DHRSX: variants seen among roughly 807,000 people sequenced by gnomAD.
DHRSX encodes the protein polyprenol dehydrogenase.
In DHRSX, 31 loss-of-function variants were observed where a neutral mutation model predicts 34.0. That is an observed-to-expected ratio of 0.91 (90% CI 0.69 to 1.23). The LOEUF is 1.23. DHRSX is among the 50% of genes most tolerant of loss of function. The pLI is 0.00. For synonymous variants in DHRSX, 201 were observed against 183.8 expected (o/e 1.09, Z -0.76); for missense variants, 414 against 428.1 (o/e 0.97, Z 0.29).
chrX:2,247,860 C>T (rs1182205685), intron 5 of DHRSX, among the ~76,000 whole-genome samples: 2 of 152,016 alleles, frequency 1.3e-5, no homozygotes, highest in Non-Finnish European at 2.9e-5. Context: ...CCCATTTCGC[C>T]CCAAGGGCAC....
intron 1 of DHRSX, among the ~76,000 whole-genome samples, chrX:2,498,262 T>A (rs909005657): frequency 1.6e-4 from 24 of 152,282 alleles, no homozygotes; most frequent in African/African-American, 5.1e-4. Context: ...TTGCTTCCAA[T>A]CTGCAGTGGG....
chrX:2,425,358 AT>A, intron 1 of DHRSX, 54 bp from the exon 2 acceptor site: 2 of 1,476,854 alleles, frequency 1.4e-6, no homozygotes, highest in Non-Finnish European at 1.9e-6. Context: ...CAGAGCACAT[AT>A]TTGTAAGAAT....
chrX:2,260,146 G>A (rs758516038), intron 5 of DHRSX, among the ~76,000 whole-genome samples: 2 of 146,698 alleles, frequency 1.4e-5, no homozygotes, highest in East Asian at 4.2e-4. Flanking sequence ...CTTCTCCTCT[G>A]TGTCTGTGTC....
chrX:2,230,704 C>G lies in DHRSX; in HGVS notation c.805-9475G>C, dbSNP rs767463949. Among the ~76,000 whole-genome samples the G allele has an allele frequency of 7.2e-5, 11 of 152,288 alleles. No individual in the cohort carries two copies. The East Asian group carries it at 2.1e-3, about 29-fold the overall frequency. On this transcript the variant is annotated intron_variant, in intron 6 of 6. Coordinates refer to ENST00000334651, the MANE Select transcript of DHRSX (RefSeq NM_145177.3). ...ACTGACACTTACTAGAAAAGGAATT[C>G]CACTCCAGACTGTGACAGGGCAATC...
rs748274496 is a variant in DHRSX, at chrX:2,233,798, G to A, written c.804+9225C>T. ...AAAAAGATGAAACACACACAAAATA[G>A]AAGATAGAGTTTCAAGTGTACTAAA... On this transcript the variant is annotated intron_variant, in intron 6 of 6. Transcript: ENST00000334651. Among the ~76,000 whole-genome samples the A allele has an allele frequency of 5.9e-5, 9 of 152,118 alleles. No homozygotes were observed. In the South Asian group the frequency reaches 1.9e-3, roughly 32 times the overall value.
intron 1 of DHRSX, chrX:2,489,230 A>G: frequency 6.2e-7 from 1 of 1,613,610 alleles, no homozygotes; most frequent in Non-Finnish European, 8.5e-7. Context: ...CTCTTCCACC[A>G]CGCGATTCTC....
intron 3 of DHRSX, among the ~76,000 whole-genome samples, chrX:2,360,693 C>G (rs185373072): frequency 3.9e-5 from 6 of 151,916 alleles, no homozygotes; most frequent in Non-Finnish European, 8.8e-5. Flanking sequence ...GCCAGGTTAT[C>G]GCCAAGTTTG....
chrX:2,446,020 G>A (rs191862480), intron 1 of DHRSX, among the ~76,000 whole-genome samples: 7 of 152,076 alleles, frequency 4.6e-5, no homozygotes, highest in Non-Finnish European at 8.8e-5. Flanking sequence ...CCGCTGCTGT[G>A]TATTCACTAA....
intron 1 of DHRSX, among the ~76,000 whole-genome samples, chrX:2,471,033 T>G (rs2044584723): frequency 6.6e-6 from 1 of 152,228 alleles, no homozygotes; most frequent in Admixed American, 6.5e-5. Flanking sequence ...TTGCATGATG[T>G]GTACGTGGAT....
intron 3 of DHRSX, among the ~76,000 whole-genome samples, chrX:2,357,751 CCAGA>C (rs2042875126): frequency 6.6e-6 from 1 of 150,570 alleles, no homozygotes; most frequent in Non-Finnish European, 1.5e-5. Context: ...AAAACTGTGC[CCAGA>C]CACACACACA....
chrX:2,255,349 AG>A (rs1349222104), intron 5 of DHRSX, among the ~76,000 whole-genome samples: 1 of 152,126 alleles, frequency 6.6e-6, no homozygotes, highest in African/African-American at 2.4e-5. Flanking sequence ...CTCAGAACAC[AG>A]GGGGAACATG....
At chrX:2,408,870 T>A in intron 2 of DHRSX, 57 bp from the exon 3 acceptor site, 1 of 1,347,160 alleles carries the variant, frequency 7.4e-7, no homozygotes, top group Non-Finnish European at 1.0e-6. Flanking sequence ...CAGAAACTAT[T>A]AACTGCAAAA....
intron 5 of DHRSX, among the ~76,000 whole-genome samples, chrX:2,248,293 T>C (rs34082785): frequency 0.56 from 84,012 of 151,194 alleles, 26,657 homozygotes; most frequent in Non-Finnish European, 0.75. Context: ...ATTAACTGGG[T>C]GTGGTGGTGG....
intron 1 of DHRSX, among the ~76,000 whole-genome samples, chrX:2,433,010 G>A (rs1457075885): frequency 6.6e-6 from 1 of 151,996 alleles, no homozygotes; most frequent in Non-Finnish European, 1.5e-5. Flanking sequence ...TGTAGTTCCA[G>A]CAAGCTGGGA....
At chrX:2,241,682 G>A (rs915331170) in intron 6 of DHRSX, among the ~76,000 whole-genome samples, 2 of 152,126 alleles carry the variant, frequency 1.3e-5, no homozygotes, top group African/African-American at 4.8e-5. Context: ...CCCGAGGCGG[G>A]TGGATCACCT....
chrX:2,237,752 C>T (rs2016049768), intron 6 of DHRSX, among the ~76,000 whole-genome samples: 1 of 152,088 alleles, frequency 6.6e-6, no homozygotes, highest in African/African-American at 2.4e-5. Context: ...TGATCCTCCC[C>T]CTCAGCCTCC....
At chrX:2,262,043 C>T (rs779704939) in intron 5 of DHRSX, among the ~76,000 whole-genome samples, 4 of 152,278 alleles carry the variant, frequency 2.6e-5, no homozygotes, top group Admixed American at 2.6e-4. Context: ...TCTCCCAGGC[C>T]CTCTCATACA....
At chrX:2,266,240 C>A (rs1482999372) in intron 5 of DHRSX, among the ~76,000 whole-genome samples, 36 of 77,806 alleles carry the variant, frequency 4.6e-4, no homozygotes, top group Middle Eastern at 0.013. Flanking sequence ...GCACCGGTGT[C>A]CAGCAGACGC....
chrX:2,453,825 T>G (rs1327268788), intron 1 of DHRSX, among the ~76,000 whole-genome samples: 1 of 151,248 alleles, frequency 6.6e-6, no homozygotes, highest in East Asian at 1.9e-4. Flanking sequence ...CAAAAAAAAC[T>G]AGGTGAGGTG....
Sources: gnomAD v4.1 joint callset for allele counts (sites outside exome capture counted in the v4.1 genomes callset) on GRCh38, gnomAD v4.1.1 for gene constraint, MANE v1.5 for transcripts, NCBI Gene and HGNC (gene_info 2026-07-23, HGNC 2026-07-21) for gene names.